The following TMEM268 variants were observed in gnomAD, a reference collection of about 807,000 sequenced individuals.
The protein encoded by TMEM268 is transmembrane protein 268, also known as transmembrane protein C9orf91.
Under a neutral mutation model 39.1 loss-of-function variants are expected in TMEM268, and 24 were observed. That is an observed-to-expected ratio of 0.61 (90% CI 0.44 to 0.86). The LOEUF (loss-of-function observed/expected upper bound fraction) is 0.86, where lower values mean the gene tolerates loss of function less well. TMEM268 is among the 40% of genes least tolerant of loss of function. TMEM268 has a pLI of 0.00. For missense variants in TMEM268, 409 were observed against 428.6 expected, an observed-to-expected ratio of 0.95 and a Z score of 0.40; for synonymous variants, 176 against 173.5, an observed-to-expected ratio of 1.01 and a Z score of -0.12.
upstream of TMEM268, among the ~76,000 whole-genome samples, chr9:114,608,510 C>A (rs982863946): frequency 5.3e-5 from 8 of 152,138 alleles, no homozygotes; most frequent in Admixed American, 1.3e-4. Flanking sequence ...GGCAGCCTGG[C>A]AGAAAGGGCA....
chr9:114,643,091 G>A (rs1827427443), intron 8 of TMEM268, 43 bp from the exon 9 acceptor site: 1 of 1,605,498 alleles, frequency 6.2e-7, no homozygotes, highest in African/African-American at 1.3e-5. Flanking sequence ...TTTCCTCAAG[G>A]GGCTCCCCTG....
At chr9:114,622,857 G>A (rs949725268) in intron 2 of TMEM268, among the ~76,000 whole-genome samples, 6 of 152,094 alleles carry the variant, frequency 3.9e-5, no homozygotes, top group Non-Finnish European at 8.8e-5. Flanking sequence ...TTGGGAGGCC[G>A]AGGCGGGCAG....
Position 114,638,736 on chromosome 9 carries a change from A to G in TMEM268, c.849+10A>G. 1 of 1,542,478 alleles carries G rather than the reference A, an allele frequency of 6.5e-7. No individual in the cohort carries two copies. Among genetic ancestry groups the G allele is most frequent in the East Asian group, 2.4e-5 (1 of 41,276 alleles). Reference sequence around the variant, plus strand: ...TGAGGCTGAGCCGGAGGTAACAGGCACTGGGGCTTGTTGGGGCCATCTTCC... The same window carrying G: ...TGAGGCTGAGCCGGAGGTAACAGGCGCTGGGGCTTGTTGGGGCCATCTTCC... On this transcript the variant is annotated intron_variant, in intron 8 of 8. Transcript: ENST00000288502.
At chr9:114,623,250 A>G (rs552524734) in intron 2 of TMEM268, among the ~76,000 whole-genome samples, 45 of 152,194 alleles carry the variant, frequency 3.0e-4, no homozygotes, top group African/African-American at 1.0e-3. Flanking sequence ...TCCCAGGTTC[A>G]AGCAATTCTG....
intron 3 of TMEM268, among the ~76,000 whole-genome samples, chr9:114,626,049 A>G (rs1589342035): frequency 6.7e-6 from 1 of 148,662 alleles, no homozygotes; most frequent in Non-Finnish European, 1.5e-5. Context: ...CTGGTCTCAA[A>G]CTCCTGATCT....
chr9:114,643,170 T>C lies in TMEM268; in HGVS notation c.886T>C (p.Tyr296His). ...CCAGCTGCTGGCAGTGTTTGGCGGCTACTACATCCGGCTTCTAGTGACCTC... is the reference window on the plus strand; with the variant it reads ...CCAGCTGCTGGCAGTGTTTGGCGGCCACTACATCCGGCTTCTAGTGACCTC... Reference protein sequence around the residue: ...ARQLLAVFGGYYIRLLVTSQL... With the variant: ...ARQLLAVFGGHYIRLLVTSQL... Residue 296 changes from tyrosine to histidine, a missense_variant, in exon 9 of 9, where the codon TAC becomes CAC. Tyr to His is a moderately conservative substitution (Grantham distance 83, BLOSUM62 2). Coordinates refer to ENST00000288502, the MANE Select transcript of TMEM268 (RefSeq NM_153045.4). The C allele has an allele frequency of 1.2e-6, 2 of 1,614,192 alleles. No individual in the cohort carries two copies. Among genetic ancestry groups the C allele is most frequent in the East Asian group, 2.2e-5 (1 of 44,882 alleles).
chr9:114,621,888 G>T (rs890172008), intron 2 of TMEM268, among the ~76,000 whole-genome samples: 4 of 152,196 alleles, frequency 2.6e-5, no homozygotes, highest in African/African-American at 9.7e-5. Context: ...GTGGTAACAA[G>T]GTTGGCTTTT....
Position 114,643,348 on chromosome 9 carries a change from T to A in TMEM268, c.*35T>A. ...GAAGGTACTCATCTTCCTTCAAGAC[T>A]GAGCAGTCAGGAAGGCTTCAGGAGC... On this transcript the variant is annotated 3_prime_UTR_variant, in exon 9 of 9. Transcript: ENST00000288502. 1 of 1,606,282 alleles carries A rather than the reference T, an allele frequency of 6.2e-7. No homozygotes were observed. The highest frequency in any genetic ancestry group is 8.5e-7 in the Non-Finnish European group (1 of 1,173,664).
chr9:114,622,700 A>G (rs1028989726), intron 2 of TMEM268, among the ~76,000 whole-genome samples: 8 of 152,140 alleles, frequency 5.3e-5, no homozygotes, highest in Admixed American at 1.3e-4. Flanking sequence ...TGAAATGCGG[A>G]GTGTGTTGCA....
intron 8 of TMEM268, among the ~76,000 whole-genome samples, chr9:114,639,831 C>T (rs1394232272): frequency 6.7e-6 from 1 of 149,840 alleles, no homozygotes; most frequent in South Asian, 2.1e-4. Context: ...TTGATCCTTC[C>T]GCCTCAGCCT....
chr9:114,616,383 T>G (rs1845714881), intron 1 of TMEM268, among the ~76,000 whole-genome samples: 1 of 151,038 alleles, frequency 6.6e-6, no homozygotes, highest in Admixed American at 6.6e-5. Flanking sequence ...GTTTTTGTTT[T>G]GAGACAGGGT....
intron 5 of TMEM268, among the ~76,000 whole-genome samples, chr9:114,630,543 G>T (rs1038883998): frequency 6.6e-6 from 1 of 152,182 alleles, no homozygotes; most frequent in Non-Finnish European, 1.5e-5. Flanking sequence ...AAGGAGGCAG[G>T]ATACCGCCGC....
intron 4 of TMEM268, among the ~76,000 whole-genome samples, chr9:114,627,686 C>A (rs1411400104): frequency 6.6e-6 from 1 of 152,128 alleles, no homozygotes; most frequent in Admixed American, 6.5e-5. Flanking sequence ...CCTTGTTAAC[C>A]CTTATTACAA....
intron 7 of TMEM268, among the ~76,000 whole-genome samples, chr9:114,637,963 G>A (rs1055019672): frequency 3.3e-5 from 5 of 152,230 alleles, no homozygotes; most frequent in Admixed American, 6.5e-5. Flanking sequence ...TTGAGTCTCA[G>A]TTTATTCATT....
intron 5 of TMEM268, among the ~76,000 whole-genome samples, chr9:114,630,659 G>A (rs1206206056): frequency 6.6e-6 from 1 of 152,204 alleles, no homozygotes; most frequent in African/African-American, 2.4e-5. Context: ...TAGGGTTATT[G>A]TGAGAATTAA....
At chr9:114,642,240 C>G (rs116695692) in intron 8 of TMEM268, among the ~76,000 whole-genome samples, 8 of 152,144 alleles carry the variant, frequency 5.3e-5, no homozygotes, top group Non-Finnish European at 1.2e-4. Flanking sequence ...TTTACTTTCT[C>G]TCCCTGTGAA....
chr9:114,614,141 A>G (rs1428422124), intron 1 of TMEM268, among the ~76,000 whole-genome samples: 1 of 152,240 alleles, frequency 6.6e-6, no homozygotes, highest in Non-Finnish European at 1.5e-5. Context: ...AGCTAATGTC[A>G]AAGAGCATGT....
At chr9:114,624,895 A>G (rs1846094186) in intron 3 of TMEM268, among the ~76,000 whole-genome samples, 2 of 152,250 alleles carry the variant, frequency 1.3e-5, no homozygotes, top group African/African-American at 4.8e-5. Context: ...AGAGGAGCAG[A>G]TGCTTGATCT....
intron 8 of TMEM268, among the ~76,000 whole-genome samples, chr9:114,641,896 T>A (rs565113679): frequency 6.6e-6 from 1 of 151,998 alleles, no homozygotes; most frequent in African/African-American, 2.4e-5. Context: ...TGCCTTGGCC[T>A]CTCAAAGTGC....
Sources: gnomAD v4.1 joint callset for allele counts (sites outside exome capture counted in the v4.1 genomes callset) on GRCh38, gnomAD v4.1.1 for gene constraint, MANE v1.5 for transcripts, NCBI Gene and HGNC (gene_info 2026-07-23, HGNC 2026-07-21) for gene names.